The following SPRED2 variants were observed in gnomAD, a reference collection of about 807,000 sequenced individuals.
SPRED2 encodes sprouty related EVH1 domain containing 2.
A neutral mutation model predicts 43.0 loss-of-function variants in SPRED2; 47 were observed. The observed-to-expected ratio is 1.09, with a 90% confidence interval of 0.87 to 1.40. SPRED2 has a LOEUF of 1.40. SPRED2 is among the 40% of genes most tolerant of loss of function. The pLI is 0.00. For synonymous variants in SPRED2, 225 were observed against 225.7 expected (o/e 1.00, Z 0.03); for missense variants, 561 against 586.4 (o/e 0.96, Z 0.45).
At chr2:65,423,892 C>A (rs373035116) in intron 1 of SPRED2, among the ~76,000 whole-genome samples, 1 of 151,920 alleles carries the variant, frequency 6.6e-6, no homozygotes, top group African/African-American at 2.4e-5. Flanking sequence ...CAGGTTCAAG[C>A]GATTCTCCTG....
chr2:65,318,840 G>A (rs936460918), intron 4 of SPRED2, among the ~76,000 whole-genome samples: 3 of 151,978 alleles, frequency 2.0e-5, no homozygotes, highest in African/African-American at 7.3e-5. Flanking sequence ...AGAGACGGGG[G>A]TCTTGCCAAG....
chr2:65,430,718 C>T (rs1450054959), intron 1 of SPRED2, among the ~76,000 whole-genome samples: 1 of 152,324 alleles, frequency 6.6e-6, no homozygotes, highest in African/African-American at 2.4e-5. Context: ...CGGCTGCCAA[C>T]CAGCTCTTTG....
At chr2:65,373,824 C>G (rs1222578135) in intron 1 of SPRED2, 1 of 152,132 alleles carries the variant, frequency 6.6e-6, no homozygotes, top group African/African-American at 2.4e-5. Context: ...CACAGATTAT[C>G]TTTTATTGGC....
intron 1 of SPRED2, among the ~76,000 whole-genome samples, chr2:65,383,762 C>G (rs1675430033): frequency 6.6e-6 from 1 of 152,190 alleles, no homozygotes; most frequent in African/African-American, 2.4e-5. Context: ...GGAAATACTT[C>G]TATAGAGGTC....
intron 2 of SPRED2, among the ~76,000 whole-genome samples, chr2:65,335,545 A>AACTAATAACTAATAAAAAACAC (rs1673939701): frequency 2.6e-5 from 4 of 152,226 alleles, no homozygotes; most frequent in African/African-American, 9.6e-5. Flanking sequence ...CACTGAATAA[A>AACTAATAACTAATAAAAAACAC]TGAGAAACCT....
In SPRED2 at chr2:65,334,637, C is replaced by CAA. The variant is rs1331795950; in HGVS notation, c.340_341insTT (p.Gly114ValfsTer3). 6.2e-7 allele frequency: 1 copy of CAA among 1,614,244 alleles called. No individual in the cohort carries two copies. ...AAGGTCTTCGATTGCTTTCCTTACTCCCCTGTCAAAGGCTCGGGCATCAGC... is the reference window on the plus strand; with the variant it reads ...AAGGTCTTCGATTGCTTTCCTTACTCAACCCTGTCAAAGGCTCGGGCATCAGC... On this transcript the variant is annotated frameshift_variant, in exon 3 of 6. Coordinates refer to ENST00000356388, the MANE Select transcript of SPRED2 (RefSeq NM_181784.3). LOFTEE classifies it high-confidence loss of function.
intron 1 of SPRED2, among the ~76,000 whole-genome samples, chr2:65,359,438 C>G (rs552417802): frequency 6.6e-6 from 1 of 152,242 alleles, no homozygotes; most frequent in East Asian, 1.9e-4. Flanking sequence ...CCAGGAAATA[C>G]TAGAGCTATC....
intron 4 of SPRED2, among the ~76,000 whole-genome samples, chr2:65,327,283 A>G (rs1673651138): frequency 1.3e-5 from 2 of 152,228 alleles, no homozygotes; most frequent in African/African-American, 4.8e-5. Context: ...AACCTTGAAT[A>G]AATACTCTGT....
chr2:65,366,053 C>A (rs1308518505), intron 1 of SPRED2, among the ~76,000 whole-genome samples: 1 of 151,856 alleles, frequency 6.6e-6, no homozygotes, highest in Non-Finnish European at 1.5e-5. Flanking sequence ...AACAAACAAA[C>A]AAAACCCACC....
chr2:65,385,066 A>G (rs535300740), intron 1 of SPRED2, among the ~76,000 whole-genome samples: 1 of 147,020 alleles, frequency 6.8e-6, no homozygotes, highest in South Asian at 2.1e-4. Context: ...TCTGCCTCCC[A>G]GGTTCAAGCA....
chr2:65,335,449 A>C lies in SPRED2; in HGVS notation c.205-676T>G, dbSNP rs74901974. ...TTAATCTCAGAACTGGCTTTTACTG[A>C]GTTGTAATGAGTAGATTGATCTTTT... is the stretch of plus-strand genomic sequence containing the variant. On this transcript the variant is annotated intron_variant, in intron 2 of 5. Transcript: ENST00000356388. Among the ~76,000 whole-genome samples the C allele has an allele frequency of 1.9e-3, 288 of 152,346 alleles. 1 individual carries two copies. Among genetic ancestry groups the C allele is most frequent in the African/African-American group, 6.3e-3 (262 of 41,576 alleles).
chr2:65,321,117 C>A (rs1399106836), intron 4 of SPRED2, among the ~76,000 whole-genome samples: 1 of 152,140 alleles, frequency 6.6e-6, no homozygotes, highest in Non-Finnish European at 1.5e-5. Flanking sequence ...AAGCAGAGGT[C>A]CCCTGTGACT....
At chr2:65,401,933 G>GTGCGCA (rs1553426598) in intron 1 of SPRED2, among the ~76,000 whole-genome samples, 1 of 83,754 alleles carries the variant, frequency 1.2e-5, no homozygotes, top group Admixed American at 1.0e-4. Context: ...ATTAGCGCGC[G>GTGCGCA]CGCGCACACA....
At chr2:65,322,262 CTCT>C (rs1673442993) in intron 4 of SPRED2, among the ~76,000 whole-genome samples, 1 of 70,726 alleles carries the variant, frequency 1.4e-5, no homozygotes, top group Non-Finnish European at 2.6e-5. Flanking sequence ...CTCTCTCTCT[CTCT>C]CTCTCTATAT....
chr2:65,339,729 A>AAT (rs1674124705), intron 2 of SPRED2, among the ~76,000 whole-genome samples: 1 of 140,624 alleles, frequency 7.1e-6, no homozygotes, highest in Non-Finnish European at 1.5e-5. Context: ...TTAAAAAAAA[A>AAT]TCCTAAAAAA....
At chr2:65,333,937 C>T (rs564991298) in intron 3 of SPRED2, among the ~76,000 whole-genome samples, 2 of 152,336 alleles carry the variant, frequency 1.3e-5, no homozygotes, top group Admixed American at 6.5e-5. Flanking sequence ...ATATTTCTTT[C>T]TTCACAGGGC....
intron 1 of SPRED2, among the ~76,000 whole-genome samples, chr2:65,412,923 C>T (rs149749030): frequency 6.6e-6 from 1 of 152,160 alleles, no homozygotes; most frequent in Non-Finnish European, 1.5e-5. Context: ...CATTGACTTG[C>T]GTGCACATCA....
intron 1 of SPRED2, among the ~76,000 whole-genome samples, chr2:65,397,059 A>C (rs1675774930): frequency 6.6e-6 from 1 of 152,200 alleles, no homozygotes; most frequent in Non-Finnish European, 1.5e-5. Flanking sequence ...TAAGAACACA[A>C]GAATCGTTCA....
At position 65,432,210 on chromosome 2, in the gene SPRED2, C is replaced by A; in HGVS notation, c.-223G>T. 1 of 571,080 alleles carries A rather than the reference C, an allele frequency of 1.8e-6. No homozygotes were observed. Among genetic ancestry groups the A allele is most frequent in the Admixed American group, 3.0e-5 (1 of 33,324 alleles). 35.4% of individuals were successfully genotyped at this position (571,080 alleles called of 1,614,324 possible). A position where few individuals can be genotyped will look rare whatever the true frequency, so the allele number is the denominator to read the frequency against. On this transcript the variant is annotated 5_prime_UTR_variant, in exon 1 of 6. Coordinates refer to ENST00000356388, the MANE Select transcript of SPRED2 (RefSeq NM_181784.3). The stretch of plus-strand genomic sequence containing the variant: ...GCTGCGCGGGGAGTGAACGCCGCAG[C>A]GCCGTGGGGAGAGGCGGGCGGAGGC...
Sources: allele counts gnomAD v4.1 joint callset (sites outside exome capture counted in the v4.1 genomes callset), GRCh38; gene constraint gnomAD v4.1.1; transcripts MANE v1.5; gene names NCBI Gene and HGNC (gene_info 2026-07-23, HGNC 2026-07-21).